CEP57: variants seen among roughly 807,000 people sequenced by gnomAD.
The protein encoded by CEP57 is centrosomal protein 57, also known as centrosomal protein of 57 kDa.
A neutral mutation model predicts 68.0 loss-of-function variants in CEP57; 40 were observed. The observed-to-expected ratio is 0.59, with a 90% CI of 0.46 to 0.77. The LOEUF (loss-of-function observed/expected upper bound fraction) is 0.77, where lower values mean the gene tolerates loss of function less well. Among genes scored for constraint, CEP57 ranks in the 30% least tolerant of loss-of-function variants. The pLI is 0.00. For synonymous variants in CEP57, 219 were observed against 198.7 expected (o/e 1.10, Z -0.86); for missense variants, 606 against 580.7 (o/e 1.04, Z -0.45).
upstream of CEP57, chr11:95,790,423 C>T (rs1860958317): frequency 5.5e-6 from 3 of 544,502 alleles, no homozygotes; most frequent in Non-Finnish European, 9.9e-6. Context: ...AGGGAAGAGG[C>T]GGATTCTCTC....
intron 1 of CEP57, 105 bp from the exon 2 acceptor site, chr11:95,799,127 C>A (rs1221074693): frequency 2.7e-6 from 3 of 1,119,804 alleles, no homozygotes; most frequent in African/African-American, 1.5e-5. Context: ...TGGATTTTTT[C>A]TGTTGTCTGT....
intron 9 of CEP57, among the ~76,000 whole-genome samples, chr11:95,828,278 A>G (rs534572588): frequency 6.6e-6 from 1 of 152,340 alleles, no homozygotes; most frequent in East Asian, 1.9e-4. Context: ...AGAACTTATG[A>G]TATACAGTCA....
intron 1 of CEP57, among the ~76,000 whole-genome samples, chr11:95,792,229 C>T (rs948289485): frequency 5.3e-5 from 8 of 151,702 alleles, no homozygotes; most frequent in Non-Finnish European, 1.0e-4. Context: ...GAAGTGTCAG[C>T]AGATGGATGA....
chr11:95,821,584 C>T (rs1221157744), intron 6 of CEP57, among the ~76,000 whole-genome samples: 1 of 152,020 alleles, frequency 6.6e-6, no homozygotes, highest in African/African-American at 2.4e-5. Context: ...GCATTTAACT[C>T]GTTAGATAGA....
intron 1 of CEP57, chr11:95,794,328 A>G (rs535937053): frequency 1.8e-5 from 8 of 456,006 alleles, no homozygotes; most frequent in African/African-American, 1.4e-4. Context: ...TCGTTCAGCA[A>G]ATATAACTGA....
Position 95,818,194 on chromosome 11 carries a change from C to A in CEP57, c.621+291C>A, listed in dbSNP as rs189857547. ...TGGGAGGCCAAGGCGGGTGGATCAC[C>A]TGAGGTCAGGAGTTCAAGACCAGCC... is the stretch of plus-strand genomic sequence containing the variant. On this transcript the variant is annotated intron_variant, in intron 5 of 10. Coordinates refer to ENST00000325542, the MANE Select transcript of CEP57 (RefSeq NM_014679.5). 3.1e-3 allele frequency among the ~76,000 whole-genome samples: 470 copies of A among 151,762 alleles called. 4 individuals are homozygous for A. Among genetic ancestry groups the A allele is most frequent in the African/African-American group, 0.011 (452 of 41,398 alleles).
At chr11:95,810,793 A>G (rs553326562) in intron 2 of CEP57, among the ~76,000 whole-genome samples, 37 of 152,344 alleles carry the variant, frequency 2.4e-4, no homozygotes, top group Admixed American at 3.9e-4. Flanking sequence ...TATAGATTCA[A>G]TGCCATCCCC....
chr11:95,798,635 A>G (rs148560967), intron 1 of CEP57, among the ~76,000 whole-genome samples: 1 of 152,350 alleles, frequency 6.6e-6, no homozygotes, highest in Non-Finnish European at 1.5e-5. Context: ...TGAAATTATT[A>G]TGTGGAATCC....
intron 1 of CEP57, among the ~76,000 whole-genome samples, chr11:95,791,387 C>T (rs1010954658): frequency 6.6e-5 from 10 of 152,270 alleles, no homozygotes; most frequent in African/African-American, 2.4e-4. Context: ...TGTCACCATC[C>T]AGTTTAGTTA....
chr11:95,832,659 T>TTGGGTGTTGG lies in CEP57; in HGVS notation c.*1404_*1405insGGGTGTTGGT. The stretch of plus-strand genomic sequence containing the variant: ...AACTCCTGTTATCTCCTTGTTTGAA[T>TTGGGTGTTGG]TTCAGGTCATTAAATTGTATAACCA... On this transcript the variant is annotated 3_prime_UTR_variant, in exon 11 of 11. Coordinates refer to ENST00000325542, the MANE Select transcript of CEP57 (RefSeq NM_014679.5). 1 of 152,130 alleles carries TTGGGTGTTGG rather than the reference T, an allele frequency of 6.6e-6. No homozygotes were observed. 9.4% of individuals were successfully genotyped at this position (152,130 alleles called of 1,614,324 possible). A position where few individuals can be genotyped will look rare whatever the true frequency, so the allele number is the denominator to read the frequency against.
chr11:95,817,779 T>C lies in CEP57; in HGVS notation c.505-8T>C. 6.3e-7 allele frequency: 1 copy of C among 1,578,916 alleles called. No individual in the cohort carries two copies. The highest frequency in any genetic ancestry group is 8.7e-7 in the Non-Finnish European group (1 of 1,148,018). On this transcript the variant is annotated splice_region_variant and splice_polypyrimidine_tract_variant and intron_variant, in intron 4 of 10. Transcript: ENST00000325542. ...AATTATCAAGCCGTATTGAATATTG[T>C]TTTTCAGGTTTCCCTAGAAAGAGAA...
chr11:95,820,579 CA>C (rs56260498), intron 6 of CEP57, among the ~76,000 whole-genome samples: 136 of 82,404 alleles, frequency 1.7e-3, no homozygotes, highest in East Asian at 4.7e-3. Context: ...GCAACAAGAG[CA>C]AAAAAAAAAA....
At chr11:95,818,683 C>T in intron 5 of CEP57, 144 bp from the exon 6 acceptor site, 1 of 652,496 alleles carries the variant, frequency 1.5e-6, no homozygotes, top group South Asian at 1.7e-5. Context: ...GGATGCCATC[C>T]AGCTCACAGC....
intron 10 of CEP57, among the ~76,000 whole-genome samples, chr11:95,829,980 G>A (rs1471825201): frequency 6.6e-6 from 1 of 152,172 alleles, no homozygotes; most frequent in East Asian, 1.9e-4. Flanking sequence ...TTGCTGCTGG[G>A]TATCATGTAG....
chr11:95,818,420 A>G (rs969642587), intron 5 of CEP57, among the ~76,000 whole-genome samples: 6 of 152,060 alleles, frequency 3.9e-5, no homozygotes, highest in South Asian at 2.1e-4. Flanking sequence ...TCAAAAAAAA[A>G]AAAAAATTAA....
chr11:95,804,579 C>T (rs191171777), intron 2 of CEP57, among the ~76,000 whole-genome samples: 3 of 152,192 alleles, frequency 2.0e-5, no homozygotes, highest in South Asian at 2.1e-4. Flanking sequence ...CACTGCGGCC[C>T]GTGGTCTCAG....
Position 95,813,523 on chromosome 11 carries a change from AT to A in CEP57, c.440del (p.Leu147TrpfsTer7). The A allele has an allele frequency of 6.2e-7, 1 of 1,613,194 alleles. No homozygotes were observed. The highest frequency in any genetic ancestry group is 8.5e-7 in the Non-Finnish European group (1 of 1,179,958). ...ATAAATGCAATCTATTAGAAAAACAATTGGAATACATGCGAAATATGATAAA... is the reference window on the plus strand; with the variant it reads ...ATAAATGCAATCTATTAGAAAAACAATGGAATACATGCGAAATATGATAAA... ...ENKCNLLEKQLEYMRNMIKHA... is the reference protein window; with the variant it reads ...ENKCNLLEKQXEYMRNMIKHA... On this transcript the variant is annotated frameshift_variant, in exon 4 of 11. Coordinates refer to ENST00000325542, the MANE Select transcript of CEP57 (RefSeq NM_014679.5). LOFTEE classifies it high-confidence loss of function.
Position 95,813,097 on chromosome 11 carries a change from C to A in CEP57, c.368C>A (p.Ser123Ter). 6.2e-7 allele frequency: 1 copy of A among 1,612,554 alleles called. No individual in the cohort carries two copies. Among genetic ancestry groups the A allele is most frequent in the South Asian group, 1.1e-5 (1 of 90,936 alleles). Residue 123 changes from serine (S) to a stop codon, truncating the protein, a stop_gained, in exon 3 of 11, where the codon TCA becomes TAA. Coordinates refer to ENST00000325542, the MANE Select transcript of CEP57 (RefSeq NM_014679.5). LOFTEE classifies it high-confidence loss of function. ...QERENSKNEE[S>*]KHNQELTSQL... ...AGGGAGAATTCAAAGAATGAGGAATCAAAGCACAATCAAGGTTTGTTGATG... is the reference window on the plus strand; with the variant it reads ...AGGGAGAATTCAAAGAATGAGGAATAAAAGCACAATCAAGGTTTGTTGATG...
rs753867312 is a variant in CEP57, at chr11:95,812,932, C to T, written c.203C>T (p.Ala68Val). 1.9e-6 allele frequency: 3 copies of T among 1,613,538 alleles called. No homozygotes were observed. Among genetic ancestry groups the T allele is most frequent in the Non-Finnish European group, 2.5e-6 (3 of 1,179,840 alleles). Reference protein sequence around the residue: ...TLAYPESNSRAIFSALKNLQD... With the variant: ...TLAYPESNSRVIFSALKNLQD... ...CCACGTTTGTGTTTGTATTTGGCAGCCATATTTTCTGCTCTTAAGAATCTT... is the reference window on the plus strand; with the variant it reads ...CCACGTTTGTGTTTGTATTTGGCAGTCATATTTTCTGCTCTTAAGAATCTT... The change falls in exon 3 of 11, where the codon GCC becomes GTC. Residue 68 changes from alanine (A) to valine (V), a missense_variant and splice_region_variant. Physicochemically the swap from Ala to Val is moderately conservative, Grantham distance 64. Coordinates refer to ENST00000325542, the MANE Select transcript of CEP57 (RefSeq NM_014679.5).
Sources: gnomAD v4.1 joint callset for allele counts (sites outside exome capture counted in the v4.1 genomes callset) on GRCh38, gnomAD v4.1.1 for gene constraint, MANE v1.5 for transcripts, NCBI Gene and HGNC (gene_info 2026-07-23, HGNC 2026-07-21) for gene names.